Variants in KBTBD3 observed in about 807,000 individuals in gnomAD.
The protein encoded by KBTBD3 is kelch repeat and BTB domain containing 3, also known as kelch repeat and BTB domain-containing protein 3.
KBTBD3 carries 38 observed loss-of-function variants against 49.6 expected under a neutral mutation model. The observed-to-expected ratio is 0.77, with a 90% confidence interval of 0.59 to 1.00. The LOEUF is 1.00. Among genes scored for constraint, KBTBD3 ranks in the 50% least tolerant of loss-of-function variants. The pLI, the probability that KBTBD3 is intolerant of heterozygous loss-of-function variation, is 0.00. For missense variants in KBTBD3, 661 were observed against 712.0 expected (o/e 0.93, Z 0.81); for synonymous variants, 214 against 250.4 (o/e 0.85, Z 1.37).
chr11:106,059,207 C>T (rs1860630644), intron 2 of KBTBD3, 98 bp from the exon 3 acceptor site: 1 of 610,564 alleles, frequency 1.6e-6, no homozygotes, highest in Non-Finnish European at 2.8e-6. Context: ...AAAATAACCA[C>T]TAAGAAAAAT....
At chr11:106,075,969 CTCAT>C (rs2135029250) in intron 2 of KBTBD3, 1 of 152,310 alleles carries the variant, frequency 6.6e-6, no homozygotes, top group Admixed American at 6.5e-5. Flanking sequence ...TCTTTCTGAG[CTCAT>C]TGTCTCCATC....
At position 106,053,384 on chromosome 11, in the gene KBTBD3, T is replaced by C. The variant is rs749614105; in HGVS notation, c.1305A>G (p.Ile435Met). Reference protein sequence around the residue: ...ESYNPLSKEWISVSPLPRGIY... With the variant: ...ESYNPLSKEWMSVSPLPRGIY... ...TGCCTCTGGGTAATGGGCTAACAGA[T>C]ATCCATTCTTTGGAAAGAGGATTGT... is the stretch of plus-strand genomic sequence containing the variant. The change falls in exon 4 of 4, where the codon ATA (isoleucine) becomes ATG (methionine). Residue 435 changes from isoleucine (I) to methionine (M), a missense_variant. Ile to Met is a conservative substitution (Grantham distance 10). Coordinates refer to ENST00000531837, the MANE Select transcript of KBTBD3 (RefSeq NM_198439.3). The C allele has an allele frequency of 3.7e-6, 6 of 1,613,402 alleles. 1 individual carries two copies. In the South Asian group the frequency reaches 6.6e-5, roughly 18 times the overall value.
chr11:106,051,332 C>T lies in KBTBD3; in HGVS notation c.*1518G>A, dbSNP rs1422377961. ...TAGATAAGAAGGCCACCAATAAATA[C>T]GTCATCTAATCAGGAACAGTCCTTG... On this transcript the variant is annotated 3_prime_UTR_variant, in exon 4 of 4. Transcript: ENST00000531837. 3 of 151,894 alleles carry T rather than the reference C, an allele frequency of 2.0e-5. No homozygotes were observed. Among genetic ancestry groups the T allele is most frequent in the African/African-American group, 2.4e-5 (1 of 41,402 alleles). 9.4% of individuals were successfully genotyped at this position (151,894 alleles called of 1,614,324 possible).
At position 106,059,050 on chromosome 11, in the gene KBTBD3, T is replaced by C; in HGVS notation, c.48A>G (p.Thr16=). 6.4e-7 allele frequency: 1 copy of C among 1,554,184 alleles called. No homozygotes were observed. The highest frequency in any genetic ancestry group is 1.7e-4 in the Middle Eastern group (1 of 5,820). ...DNSYAFNQRS[T]CNGIPSEKKN... ...TCTTCTCAGATGGAATTCCATTACA[T>C]GTGCTTCGTTGATTGAAAGCATATG... Residue 16 remains threonine, a synonymous_variant, in exon 3 of 4, where the codon ACA becomes ACG. Transcript: ENST00000531837.
Position 106,053,483 on chromosome 11 carries a change from G to A in KBTBD3, c.1206C>T (p.Leu402=), listed in dbSNP as rs756475154. 1.5e-5 allele frequency: 25 copies of A among 1,613,388 alleles called. No homozygotes were observed. Among genetic ancestry groups the A allele is most frequent in the South Asian group, 1.3e-4 (12 of 91,052 alleles). The change falls in exon 4 of 4, where the codon CTC becomes CTT. Residue 402 remains leucine, a synonymous_variant. Coordinates refer to ENST00000531837, the MANE Select transcript of KBTBD3 (RefSeq NM_198439.3). ...PRTMHTSVMA[L]DRLFVIGGKT... ...TTCCACCTATGACAAATAATCTATCGAGAGCCATAACTGATGTATGCATGG... is the reference window on the plus strand; with the variant it reads ...TTCCACCTATGACAAATAATCTATCAAGAGCCATAACTGATGTATGCATGG...
intron 1 of KBTBD3, among the ~76,000 whole-genome samples, 183 bp downstream of exon 1, chr11:106,077,129 G>A (rs996546854): frequency 3.9e-5 from 6 of 152,098 alleles, no homozygotes; most frequent in Non-Finnish European, 8.8e-5. Context: ...GGGCTGATGC[G>A]TTGCACAACT....
chr11:106,066,868 T>C (rs926520579), intron 2 of KBTBD3, among the ~76,000 whole-genome samples: 9 of 151,300 alleles, frequency 5.9e-5, no homozygotes, highest in Admixed American at 1.3e-4. Flanking sequence ...TATATATAAA[T>C]ATAAATAAAC....
chr11:106,061,865 A>ATG (rs1329125975), intron 2 of KBTBD3, among the ~76,000 whole-genome samples: 1 of 151,726 alleles, frequency 6.6e-6, no homozygotes, highest in Non-Finnish European at 1.5e-5. Flanking sequence ...ATATACATAT[A>ATG]TGTGTGTGTG....
Position 106,074,371 on chromosome 11 carries a change from C to T in KBTBD3, c.-13+2136G>A, listed in dbSNP as rs527395060. Among the ~76,000 whole-genome samples the T allele has an allele frequency of 2.0e-5, 3 of 152,274 alleles. No individual in the cohort carries two copies. The South Asian group carries it at 6.2e-4, about 32-fold the overall frequency. On this transcript the variant is annotated intron_variant, in intron 2 of 3. Transcript: ENST00000531837. ...GTCTCAACCCACTACAATAAAATTC[C>T]TTTCTTTTACTCCATTAAAACTGCC... is the stretch of plus-strand genomic sequence containing the variant.
intron 3 of KBTBD3, among the ~76,000 whole-genome samples, chr11:106,054,717 C>T (rs1040204595): frequency 6.6e-6 from 1 of 151,772 alleles, no homozygotes; most frequent in Non-Finnish European, 1.5e-5. Context: ...TAAAAAGATT[C>T]AAATTTTGTA....
rs529684131 is a variant in KBTBD3 at position 106,056,022 on chromosome 11, C to T, written c.234-1567G>A. On this transcript the variant is annotated intron_variant, in intron 3 of 3. Coordinates refer to ENST00000531837, the MANE Select transcript of KBTBD3 (RefSeq NM_198439.3). ...AACATGTGTGATTCCTTTTCAATTTCTTGTCTCCAATGACATTCCATCTCA... is the reference window on the plus strand; with the variant it reads ...AACATGTGTGATTCCTTTTCAATTTTTTGTCTCCAATGACATTCCATCTCA... Among the ~76,000 whole-genome samples, 35 of 152,224 alleles carry T rather than the reference C, an allele frequency of 2.3e-4. No homozygotes were observed. The East Asian group carries it at 2.3e-3, about 10-fold the overall frequency.
chr11:106,072,641 A>C (rs1193098175), intron 2 of KBTBD3, among the ~76,000 whole-genome samples: 1 of 152,170 alleles, frequency 6.6e-6, no homozygotes, highest in Admixed American at 6.5e-5. Context: ...CCTTTGATAA[A>C]AAGTAATGAC....
chr11:106,058,753 T>TTTTTTTTTTTTTTTTTTTTTTTTA (rs1375718068), intron 3 of KBTBD3, 112 bp downstream of exon 3: 2 of 698,994 alleles, frequency 2.9e-6, no homozygotes, highest in African/African-American at 3.9e-5. Context: ...TTTTTTTTTT[T>TTTTTTTTTTTTTTTTTTTTTTTTA]AGAATTAAAA....
Position 106,053,668 on chromosome 11 carries a change from C to T in KBTBD3, c.1021G>A (p.Gly341Arg), listed in dbSNP as rs776737800. 8 of 1,613,586 alleles carry T rather than the reference C, an allele frequency of 5.0e-6. No individual in the cohort carries two copies. The highest frequency in any genetic ancestry group is 2.7e-5 in the African/African-American group (2 of 74,894). Residue 341 changes from glycine (G) to arginine (R), a missense_variant, in exon 4 of 4, where the codon GGA becomes AGA. Physicochemically the swap from Gly to Arg is moderately radical, Grantham distance 125. Transcript: ENST00000531837. ...DLPGSSLSSY[G>R]EKIFLTGGCK... is the part of the protein sequence containing the mutation. ...CCACCTGTCAAGAATATTTTCTCTC[C>T]GTAACTCGAAAGACTAGATCCTGGC...
At chr11:106,064,643 C>A (rs1404938121) in intron 2 of KBTBD3, among the ~76,000 whole-genome samples, 1 of 152,144 alleles carries the variant, frequency 6.6e-6, no homozygotes, top group East Asian at 1.9e-4. Flanking sequence ...TGAAAACAGT[C>A]TATACTAGTT....
chr11:106,074,484 T>A (rs560868861), intron 2 of KBTBD3, among the ~76,000 whole-genome samples: 2 of 152,220 alleles, frequency 1.3e-5, no homozygotes, highest in South Asian at 4.1e-4. Context: ...TAATTCACAC[T>A]GTTAACTAGT....
In KBTBD3 at chr11:106,060,118, C is replaced by T. The variant is rs73537603; in HGVS notation, c.-12-1009G>A. ...CACGTTTCTTATGATTCAGCTGGGA[C>T]GGCTAGAAGAGAGGGGATCTTTCTT... On this transcript the variant is annotated intron_variant, in intron 2 of 3. Coordinates refer to ENST00000531837, the MANE Select transcript of KBTBD3 (RefSeq NM_198439.3). Among the ~76,000 whole-genome samples the T allele has an allele frequency of 3.5e-3, 526 of 148,806 alleles. 2 individuals are homozygous for T. The highest frequency in any genetic ancestry group is 0.012 in the African/African-American group (481 of 40,448).
chr11:106,068,774 T>C (rs1302770165), intron 2 of KBTBD3, among the ~76,000 whole-genome samples: 3 of 152,086 alleles, frequency 2.0e-5, no homozygotes, highest in Admixed American at 1.3e-4. Flanking sequence ...TATGGACCAA[T>C]ATACCTCACA....
At chr11:106,058,823 T>C in intron 3 of KBTBD3, 42 bp downstream of exon 3, 1 of 1,145,098 alleles carries the variant, frequency 8.7e-7, no homozygotes, top group South Asian at 1.4e-5. Context: ...AGAACTTAAT[T>C]ATCCAAATCA....
Sources: allele counts gnomAD v4.1 joint callset (sites outside exome capture counted in the v4.1 genomes callset), GRCh38; gene constraint gnomAD v4.1.1; transcripts MANE v1.5; gene names NCBI Gene and HGNC (gene_info 2026-07-23, HGNC 2026-07-21).